Variants in CELF2 observed in about 807,000 individuals in gnomAD.
CELF2 encodes CUG triplet repeat RNA-binding protein 2.
CELF2 carries 8 observed loss-of-function variants against 62.6 expected under a neutral mutation model. That is an observed-to-expected ratio of 0.13 (90% CI 0.07 to 0.23). The LOEUF (loss-of-function observed/expected upper bound fraction) is 0.23, where lower values mean the gene tolerates loss of function less well. CELF2 is among the 10% of genes least tolerant of loss of function. The pLI, the probability that CELF2 is intolerant of heterozygous loss-of-function variation, is 1.00. For missense variants in CELF2, 333 were observed against 671.0 expected, an observed-to-expected ratio of 0.50 and a Z score of 5.56; for synonymous variants, 258 against 250.0, an observed-to-expected ratio of 1.03 and a Z score of -0.30.
At position 10,947,237 on chromosome 10, in the gene CELF2, G is replaced by T. The variant is rs1367730185; in HGVS notation, c.89+27238G>T. 6.6e-6 allele frequency: 1 copy of T among 152,372 alleles called. No individual in the cohort carries two copies. Among genetic ancestry groups the T allele is most frequent in the South Asian group, 2.1e-4 (1 of 4,820 alleles). The allele number at this position is 152,372 out of a possible 1,614,324, so 9.4% of individuals were successfully genotyped here. On this transcript the variant is annotated intron_variant, in intron 2 of 13. Coordinates refer to the CELF2 transcript ENST00000636488. This position sits in a 1 kb window ranked among gnomAD's most constrained non-coding sequence, Gnocchi z 4.1. ...TACTCTAACCAGTCCTTCACCTGCT[G>T]CACAAAATCATACCTTTCCATGCAC...
At chr10:10,688,967 G>A in the CELF2 span, among the ~76,000 whole-genome samples, 1 of 151,976 alleles carries the variant, frequency 6.6e-6, no homozygotes, top group Admixed American at 6.6e-5. Context: ...TCACACCACT[G>A]CACCCCAGGC....
rs2075841580 is a variant in CELF2 at position 11,247,155 on chromosome 10, G to T, written c.355-1998G>T. ...CACCCTCCACACGGCAGCCAAAATG[G>T]CTTTTCTAGAATTTCGATCTTGTTT... is the stretch of plus-strand genomic sequence containing the variant. On this transcript the variant is annotated intron_variant, in intron 3 of 12. Transcript: ENST00000633077. This position sits in a 1 kb window ranked among gnomAD's most constrained non-coding sequence, Gnocchi z 5.4. Among the ~76,000 whole-genome samples, 1 of 152,180 alleles carries T rather than the reference G, an allele frequency of 6.6e-6. No homozygotes were observed. The highest frequency in any genetic ancestry group is 1.5e-5 in the Non-Finnish European group (1 of 68,032).
the CELF2 span, among the ~76,000 whole-genome samples, chr10:10,664,046 A>G: frequency 7.9e-5 from 12 of 152,324 alleles, no homozygotes; most frequent in Non-Finnish European, 1.5e-4. Flanking sequence ...GGATAGATGC[A>G]TGTTAACATC....
At chr10:11,054,489 T>TTGTGTG (rs35465939) in intron 1 of CELF2, among the ~76,000 whole-genome samples, 25,684 of 149,314 alleles carry the variant, frequency 0.17, 2,763 homozygotes, top group East Asian at 0.44. Flanking sequence ...GTATGTGTGT[T>TTGTGTG]TGTGTGTGTG....
chr10:11,040,711 T>C (rs1314915294), intron 1 of CELF2, among the ~76,000 whole-genome samples: 1 of 151,128 alleles, frequency 6.6e-6, no homozygotes, highest in East Asian at 1.9e-4. Context: ...ATGGAAATGA[T>C]TTTTTATTTC....
intron 1 of CELF2, among the ~76,000 whole-genome samples, chr10:10,917,652 G>C (rs532418429): frequency 3.6e-4 from 55 of 152,286 alleles, no homozygotes; most frequent in African/African-American, 1.3e-3. Flanking sequence ...TACTGCAGCG[G>C]TCTCAGTTGA....
intron 2 of CELF2, among the ~76,000 whole-genome samples, chr10:10,932,686 G>GTGTGTGTC (rs1194580106): frequency 6.6e-6 from 1 of 152,000 alleles, no homozygotes; most frequent in Non-Finnish European, 1.5e-5. Flanking sequence ...ATGTGTGTGT[G>GTGTGTGTC]TGTGTGTGTA....
the CELF2 span, among the ~76,000 whole-genome samples, chr10:10,609,198 G>A: frequency 6.6e-6 from 1 of 152,136 alleles, no homozygotes; most frequent in Non-Finnish European, 1.5e-5. Context: ...TTATATGTTA[G>A]CCAAGGCCAC....
At chr10:11,067,990 G>C (rs1291852) in intron 1 of CELF2, among the ~76,000 whole-genome samples, 2 of 152,004 alleles carry the variant, frequency 1.3e-5, no homozygotes, top group Non-Finnish European at 2.9e-5. Flanking sequence ...GTAGGGGATG[G>C]GGGGAGGATG....
rs948199735 is a variant in CELF2, at chr10:11,334,048, T to C, written c.*4995T>C. 5 of 152,674 alleles carry C rather than the reference T, an allele frequency of 3.3e-5. No homozygotes were observed. Among genetic ancestry groups the C allele is most frequent in the Non-Finnish European group, 7.3e-5 (5 of 68,034 alleles). The allele number at this position is 152,674 out of a possible 1,614,324, so 9.5% of individuals were successfully genotyped here. A position where few individuals can be genotyped will look rare whatever the true frequency, so the allele number is the denominator to read the frequency against. On this transcript the variant is annotated 3_prime_UTR_variant, in exon 13 of 13. Transcript: ENST00000633077. ...TTTGGCTTGATTTCTTTTTTCCCTT[T>C]GCTTATATCTAGCATTAGAATTTTG... is the stretch of plus-strand genomic sequence containing the variant.
At chr10:10,724,320 T>C in the CELF2 span, among the ~76,000 whole-genome samples, 3 of 152,160 alleles carry the variant, frequency 2.0e-5, no homozygotes, top group African/African-American at 4.8e-5. Context: ...GCTGTTAGAA[T>C]CTTTTTGCTT....
the CELF2 span, among the ~76,000 whole-genome samples, chr10:10,683,295 G>A: frequency 1.3e-4 from 20 of 152,304 alleles, no homozygotes; most frequent in East Asian, 2.9e-3. Context: ...GCAATTGAAT[G>A]TTGAGCCCTG....
At chr10:10,860,873 G>A (rs1309686983) in intron 1 of CELF2, among the ~76,000 whole-genome samples, 1 of 152,188 alleles carries the variant, frequency 6.6e-6, no homozygotes, top group Non-Finnish European at 1.5e-5. Flanking sequence ...CTAAAAGCTT[G>A]GCTGCTATGA....
At chr10:10,886,110 T>C (rs2061731770) in intron 1 of CELF2, among the ~76,000 whole-genome samples, 1 of 152,150 alleles carries the variant, frequency 6.6e-6, no homozygotes, top group African/African-American at 2.4e-5. Flanking sequence ...GTCATTTTCT[T>C]TCCTTGCTTC....
intron 1 of CELF2, among the ~76,000 whole-genome samples, chr10:11,158,878 C>T (rs938886117): frequency 1.3e-5 from 2 of 152,190 alleles, no homozygotes; most frequent in Admixed American, 1.3e-4. Flanking sequence ...TTGTGAATAA[C>T]AATGATGTCC....
At chr10:10,900,133 T>C (rs1351970257) in intron 1 of CELF2, among the ~76,000 whole-genome samples, 1 of 152,188 alleles carries the variant, frequency 6.6e-6, no homozygotes, top group African/African-American at 2.4e-5. Context: ...ATTTCACTGA[T>C]AAATTCTACC....
chr10:11,298,740 T>TA (rs138546689), intron 9 of CELF2, among the ~76,000 whole-genome samples: 10,027 of 152,238 alleles, frequency 0.066, 366 homozygotes, highest in Middle Eastern at 0.13. Context: ...GGTGCTTTTT[T>TA]AAAAAAACGA....
intron 1 of CELF2, among the ~76,000 whole-genome samples, chr10:11,088,441 C>G (rs1389305979): frequency 6.6e-6 from 1 of 152,026 alleles, no homozygotes; most frequent in African/African-American, 2.4e-5. Flanking sequence ...GGACATTGTT[C>G]CCTAGACATT....
the CELF2 span, among the ~76,000 whole-genome samples, chr10:10,656,932 A>C: frequency 7.5e-6 from 1 of 133,334 alleles, no homozygotes; most frequent in East Asian, 2.0e-4. Flanking sequence ...AAAAAAAAAA[A>C]AAGAAAACGT....
Sources: allele counts gnomAD v4.1 joint callset (sites outside exome capture counted in the v4.1 genomes callset), GRCh38; gene constraint gnomAD v4.1.1; non-coding constraint Gnocchi (gnomAD v3.1); transcripts MANE v1.5; gene names NCBI Gene and HGNC (gene_info 2026-07-23, HGNC 2026-07-21).